The following GSTK1 variants were observed in gnomAD, a reference collection of about 807,000 sequenced individuals.
GSTK1 encodes glutathione S-transferase kappa 1.
Under a neutral mutation model 30.9 loss-of-function variants are expected in GSTK1, and 25 were observed. The ratio of observed to expected loss-of-function variants is 0.81; its 90% confidence interval spans 0.59 to 1.13. The LOEUF is 1.13. Ranked by LOEUF, GSTK1 falls within the 50% of genes most tolerant of loss-of-function variation. GSTK1 has a pLI of 0.00. For missense variants in GSTK1, 292 were observed against 292.4 expected, an observed-to-expected ratio of 1.00 and a Z score of 0.01; for synonymous variants, 108 against 112.5, an observed-to-expected ratio of 0.96 and a Z score of 0.25.
Position 143,268,226 on chromosome 7 carries a change from C to T in GSTK1, c.631+42C>T. 1 of 1,491,578 alleles carries T rather than the reference C, an allele frequency of 6.7e-7. No individual in the cohort carries two copies. The highest frequency in any genetic ancestry group is 1.2e-5 in the South Asian group (1 of 86,158). The allele number at this position is 1,491,578 out of a possible 1,614,324, so 92.4% of individuals were successfully genotyped here. A position where few individuals can be genotyped will look rare whatever the true frequency, so the allele number is the denominator to read the frequency against. On this transcript the variant is annotated intron_variant, in intron 7 of 7. Transcript: ENST00000358406. The surrounding 1 kb of genome is among the most constrained non-coding windows in gnomAD (Gnocchi z 4.1). ...ATCAACCCTGAGCCAGGTGCAGTGGCTCACGCCTGTAATCCCAGCACTTTG... is the reference window on the plus strand; with the variant it reads ...ATCAACCCTGAGCCAGGTGCAGTGGTTCACGCCTGTAATCCCAGCACTTTG...
chr7:143,264,018 C>T, intron 1 of GSTK1, 68 bp from the exon 2 acceptor site: 1 of 1,429,022 alleles, frequency 7.0e-7, no homozygotes, highest in Non-Finnish European at 9.9e-7. Context: ...CGCCTCCCTT[C>T]CCTTTCCCTC....
Position 143,267,057 on chromosome 7 carries a change from C to T in GSTK1, c.421-560C>T, listed in dbSNP as rs1342103602. On this transcript the variant is annotated intron_variant, in intron 5 of 7. Transcript: ENST00000358406. ...TAAGAACCATCTATCCCAAACTATACCAACAAACCACAAACTGAAGCCTTT... is the reference window on the plus strand; with the variant it reads ...TAAGAACCATCTATCCCAAACTATATCAACAAACCACAAACTGAAGCCTTT... Among the ~76,000 whole-genome samples, 6 of 152,140 alleles carry T rather than the reference C, an allele frequency of 3.9e-5. No homozygotes were observed. The East Asian group carries it at 1.2e-3, about 29-fold the overall frequency.
In GSTK1 at chr7:143,269,108, G is replaced by A. The variant is rs1743485438; in HGVS notation, c.*271G>A. 1 of 496,214 alleles carries A rather than the reference G, an allele frequency of 2.0e-6. No individual in the cohort carries two copies. The highest frequency in any genetic ancestry group is 3.7e-6 in the Non-Finnish European group (1 of 272,262). The allele number at this position is 496,214 out of a possible 1,614,324, so 30.7% of individuals were successfully genotyped here. ...CACAAAATAAACCTAATGCCATCAGGCAAAACATTTCTGTGTCTGTATCTG... is the reference window on the plus strand; with the variant it reads ...CACAAAATAAACCTAATGCCATCAGACAAAACATTTCTGTGTCTGTATCTG... On this transcript the variant is annotated 3_prime_UTR_variant, in exon 8 of 8. Coordinates refer to ENST00000358406, the MANE Select transcript of GSTK1 (RefSeq NM_015917.3).
chr7:143,266,649 CTTTCTTTTTTTTT>C (rs1330828911), intron 5 of GSTK1, among the ~76,000 whole-genome samples: 1 of 92,576 alleles, frequency 1.1e-5, no homozygotes, highest in Non-Finnish European at 2.2e-5. Context: ...TTTTTTCTTT[CTTTCTTTTTTTTT>C]TTTTTTTTTT....
intron 1 of GSTK1, 116 bp from the exon 2 acceptor site, chr7:143,263,970 A>T (rs1800793395): frequency 1.2e-6 from 1 of 846,886 alleles, no homozygotes; most frequent in Non-Finnish European, 1.9e-6. Context: ...CAAACCAAAC[A>T]ATGTAGGGTG....
intron 4 of GSTK1, 42 bp from the exon 5 acceptor site, chr7:143,265,219 C>T (rs1440709505): frequency 6.2e-7 from 1 of 1,605,446 alleles, no homozygotes; most frequent in African/African-American, 1.3e-5. Context: ...AGTCACACCC[C>T]TCTCCCCGCA....
At chr7:143,263,658 G>C in intron 1 of GSTK1, 73 bp downstream of exon 1, 2 of 1,399,210 alleles carry the variant, frequency 1.4e-6, no homozygotes, top group Non-Finnish European at 2.0e-6. Flanking sequence ...GCAGGGCTCC[G>C]GGACAGAGGT....
chr7:143,267,022 CA>C (rs1800900632), intron 5 of GSTK1, among the ~76,000 whole-genome samples: 1 of 152,072 alleles, frequency 6.6e-6, no homozygotes, highest in Non-Finnish European at 1.5e-5. Context: ...TTCAGATGGG[CA>C]GCCAAAGTTA....
Position 143,265,176 on chromosome 7 carries a change from C to A in GSTK1, c.384+84C>A, listed in dbSNP as rs778290959. 24 of 1,608,498 alleles carry A rather than the reference C, an allele frequency of 1.5e-5. No homozygotes were observed. The South Asian group carries it at 2.7e-4, about 18-fold the overall frequency. Reference sequence around the variant, plus strand: ...CCAGGCACGTTTTCAGGGTCATGATCCTGCCCCCGCCCGGGGGATCTACTG... The same window carrying A: ...CCAGGCACGTTTTCAGGGTCATGATACTGCCCCCGCCCGGGGGATCTACTG... On this transcript the variant is annotated intron_variant, in intron 4 of 7. Coordinates refer to ENST00000358406, the MANE Select transcript of GSTK1 (RefSeq NM_015917.3).
At chr7:143,267,856 C>G in intron 6 of GSTK1, 123 bp downstream of exon 6, 3 of 738,122 alleles carry the variant, frequency 4.1e-6, no homozygotes, top group East Asian at 4.9e-5. Flanking sequence ...CCTCAGTGCT[C>G]TTAAACAACC....
rs1192857457 is a variant in GSTK1, at chr7:143,266,642, TTTC to T, written c.421-972_421-970del. Among the ~76,000 whole-genome samples the T allele has an allele frequency of 2.4e-3, 350 of 147,152 alleles. 6 individuals carry two copies. Among genetic ancestry groups the T allele is most frequent in the African/African-American group, 8.0e-3 (317 of 39,438 alleles). ...TGATGTAATTGTTCTTGTTCTTTTT[TTTC>T]TTTCTTTCTTTTTTTTTTTTTTTTT... On this transcript the variant is annotated intron_variant, in intron 5 of 7. Transcript: ENST00000358406.
Position 143,265,023 on chromosome 7 carries a change from C to G in GSTK1, c.315C>G (p.Ala105=), listed in dbSNP as rs1183876913. ...TGTCTGCCATGCGTTTCCTCACCGC[C>G]GTGAACTTGGAGCATCCAGAGATGC... ...GSLSAMRFLT[A]VNLEHPEMLE... The change falls in exon 4 of 8, where the codon GCC becomes GCG. Residue 105 remains alanine, a synonymous_variant. Coordinates refer to ENST00000358406, the MANE Select transcript of GSTK1 (RefSeq NM_015917.3). 10 of 1,613,992 alleles carry G rather than the reference C, an allele frequency of 6.2e-6. No homozygotes were observed. The highest frequency in any genetic ancestry group is 3.3e-5 in the South Asian group (3 of 91,088).
At position 143,269,009 on chromosome 7, in the gene GSTK1, C is replaced by T; in HGVS notation, c.*172C>T. On this transcript the variant is annotated 3_prime_UTR_variant, in exon 8 of 8. Transcript: ENST00000358406. The stretch of plus-strand genomic sequence containing the variant: ...CCCCCAAGGATGCCAGGAAGACGTC[C>T]ACCATTAGCCATGTGGCAACCTTTA... 1.5e-6 allele frequency: 1 copy of T among 646,102 alleles called. No homozygotes were observed. Among genetic ancestry groups the T allele is most frequent in the East Asian group, 2.8e-5 (1 of 36,268 alleles). 40.0% of individuals were successfully genotyped at this position (646,102 alleles called of 1,614,324 possible).
chr7:143,268,495 C>G lies in GSTK1; in HGVS notation c.632-293C>G, dbSNP rs1339095748. ...GTCTCAAAAAATAAAAAGATTCAAC[C>G]CTGAGCTGCCTTTGACCCCAGCTCC... On this transcript the variant is annotated intron_variant, in intron 7 of 7. Coordinates refer to ENST00000358406, the MANE Select transcript of GSTK1 (RefSeq NM_015917.3). This position sits in a 1 kb window ranked among gnomAD's most constrained non-coding sequence, Gnocchi z 4.1. Among the ~76,000 whole-genome samples the G allele has an allele frequency of 6.6e-6, 1 of 152,018 alleles. No homozygotes were observed. The highest frequency in any genetic ancestry group is 1.5e-5 in the Non-Finnish European group (1 of 67,994).
At chr7:143,267,500 G>C (rs1800915766) in intron 5 of GSTK1, 117 bp from the exon 6 acceptor site, 5 of 746,566 alleles carry the variant, frequency 6.7e-6, no homozygotes, top group Admixed American at 4.0e-5. Flanking sequence ...CTTGTGGGTG[G>C]GTAAGGGCAT....
Position 143,263,557 on chromosome 7 carries a change from T to C in GSTK1, c.44T>C (p.Leu15Pro). 6.2e-7 allele frequency: 1 copy of C among 1,610,606 alleles called. No homozygotes were observed. The highest frequency in any genetic ancestry group is 8.5e-7 in the Non-Finnish European group (1 of 1,180,008). The change falls in exon 1 of 8, where the codon CTG becomes CCG. Residue 15 changes from leucine to proline, a missense_variant. Leu to Pro is a moderately conservative substitution (Grantham distance 98, BLOSUM62 -3). Coordinates refer to ENST00000358406, the MANE Select transcript of GSTK1 (RefSeq NM_015917.3). ...ACCGTGGAGCTCTTCTATGACGTGC[T>C]GTCCCCCTACTCCTGGCTGGGCTTC... is the stretch of plus-strand genomic sequence containing the variant. ...PRTVELFYDV[L>P]SPYSWLGFEI...
intron 5 of GSTK1, among the ~76,000 whole-genome samples, chr7:143,267,235 C>T (rs991224020): frequency 2.6e-5 from 4 of 152,194 alleles, no homozygotes; most frequent in Non-Finnish European, 5.9e-5. Context: ...GAGCCCTGGA[C>T]TTGAATTCTA....
rs749561195 is a variant in GSTK1 at position 143,267,731 on chromosome 7, G to A, written c.535G>A (p.Gly179Arg). 13 of 1,598,944 alleles carry A rather than the reference G, an allele frequency of 8.1e-6. No individual in the cohort carries two copies. Among genetic ancestry groups the A allele is most frequent in the Non-Finnish European group, 1.0e-5 (12 of 1,166,632 alleles). The change falls in exon 6 of 8, where the codon GGA becomes AGA. Residue 179 changes from glycine to arginine, a missense_variant and splice_region_variant. Physicochemically the swap from Gly to Arg is moderately radical, Grantham distance 125. Coordinates refer to ENST00000358406, the MANE Select transcript of GSTK1 (RefSeq NM_015917.3). Reference protein sequence around the residue: ...KETTEAACRYGAFGLPITVAH... With the variant: ...KETTEAACRYRAFGLPITVAH... The stretch of plus-strand genomic sequence containing the variant: ...GACCACTGAGGCAGCCTGCAGATAC[G>A]GAGTGAGCAGCTCTTTATGTGTGTT...
intron 5 of GSTK1, among the ~76,000 whole-genome samples, chr7:143,266,436 T>A (rs1315164577): frequency 1.3e-5 from 2 of 152,066 alleles, no homozygotes; most frequent in Admixed American, 6.6e-5. Flanking sequence ...GGTTAAACAT[T>A]TTGTGTAGGA....
Sources: allele counts gnomAD v4.1 joint callset (sites outside exome capture counted in the v4.1 genomes callset), GRCh38; gene constraint gnomAD v4.1.1; non-coding constraint Gnocchi (gnomAD v3.1); transcripts MANE v1.5; gene names NCBI Gene and HGNC (gene_info 2026-07-23, HGNC 2026-07-21).